The following RALB variants were observed in gnomAD, a reference collection of about 807,000 sequenced individuals.
RALB encodes RAS like proto-oncogene B.
In RALB, 16 loss-of-function variants were observed where a neutral mutation model predicts 21.3. The ratio of observed to expected loss-of-function variants is 0.75; its 90% CI spans 0.51 to 1.14. The LOEUF is 1.14. RALB is among the 50% of genes most tolerant of loss of function. The probability of loss-of-function intolerance (pLI) is 0.00; values close to 1 mark genes in which losing one functional copy is unlikely to be tolerated. For missense variants in RALB, 161 were observed against 256.2 expected (o/e 0.63, Z 2.54); for synonymous variants, 93 against 96.1 (o/e 0.97, Z 0.19).
chr2:120,267,536 G>A (rs951449635), intron 1 of RALB, among the ~76,000 whole-genome samples: 7 of 152,120 alleles, frequency 4.6e-5, no homozygotes, highest in Admixed American at 3.9e-4. Context: ...GTATGAGATC[G>A]GGAGGGCTGG....
At chr2:120,254,551 G>C (rs1186321023) in intron 1 of RALB, among the ~76,000 whole-genome samples, 3 of 152,212 alleles carry the variant, frequency 2.0e-5, no homozygotes, top group African/African-American at 4.8e-5. Context: ...ACAGGATTTA[G>C]AGTCTTCCAC....
intron 1 of RALB, among the ~76,000 whole-genome samples, chr2:120,278,254 C>T (rs555806930): frequency 6.6e-5 from 10 of 152,192 alleles, no homozygotes; most frequent in South Asian, 6.2e-4. Flanking sequence ...CCGCGGCAGC[C>T]GAGAACCGAG....
At chr2:120,268,557 G>A (rs1266410025) in intron 1 of RALB, among the ~76,000 whole-genome samples, 1 of 152,188 alleles carries the variant, frequency 6.6e-6, no homozygotes, top group African/African-American at 2.4e-5. Flanking sequence ...GGGGGCAGAG[G>A]GCCCAGGACG....
chr2:120,291,434 T>TA (rs1165457706), intron 4 of RALB, among the ~76,000 whole-genome samples: 2 of 152,132 alleles, frequency 1.3e-5, no homozygotes, highest in African/African-American at 4.8e-5. Flanking sequence ...TGGCTCATTT[T>TA]AAAAAAATCA....
At chr2:120,246,696 C>T (rs1282166905) in intron 1 of RALB, among the ~76,000 whole-genome samples, 2 of 152,354 alleles carry the variant, frequency 1.3e-5, no homozygotes, top group Non-Finnish European at 2.9e-5. Flanking sequence ...GATAGGTGGG[C>T]TGCAGTGTGG....
At chr2:120,268,570 AGT>A (rs967652944) in intron 1 of RALB, among the ~76,000 whole-genome samples, 1 of 152,076 alleles carries the variant, frequency 6.6e-6, no homozygotes, top group African/African-American at 2.4e-5. Context: ...CCAGGACGGG[AGT>A]GTGTGTGGGG....
intron 1 of RALB, among the ~76,000 whole-genome samples, chr2:120,263,093 G>A (rs1289698429): frequency 6.6e-6 from 1 of 152,226 alleles, no homozygotes; most frequent in African/African-American, 2.4e-5. Flanking sequence ...CTTATGGACT[G>A]GCAGCTTTTC....
intron 1 of RALB, among the ~76,000 whole-genome samples, chr2:120,263,957 C>G (rs1446852980): frequency 6.6e-6 from 1 of 151,850 alleles, no homozygotes; most frequent in African/African-American, 2.4e-5. Flanking sequence ...TAGCGATTCT[C>G]CCTGCCTAAG....
At chr2:120,275,900 A>G (rs554088865) in intron 1 of RALB, among the ~76,000 whole-genome samples, 2 of 152,242 alleles carry the variant, frequency 1.3e-5, no homozygotes, top group East Asian at 3.9e-4. Context: ...GTAGTCCTGG[A>G]AAAAGGGTTG....
upstream of RALB, among the ~76,000 whole-genome samples, chr2:120,252,074 G>C (rs1689067646): frequency 6.6e-6 from 1 of 152,190 alleles, no homozygotes. Context: ...TGTCAGTTGC[G>C]ATGGCTTGTG....
intron 1 of RALB, among the ~76,000 whole-genome samples, chr2:120,269,908 A>G (rs1018647325): frequency 6.6e-6 from 1 of 152,210 alleles, no homozygotes; most frequent in Non-Finnish European, 1.5e-5. Flanking sequence ...AGGCTGTGGC[A>G]GTTAATAATA....
intron 1 of RALB, among the ~76,000 whole-genome samples, chr2:120,246,092 C>A (rs1688966547): frequency 6.6e-6 from 1 of 152,182 alleles, no homozygotes; most frequent in Non-Finnish European, 1.5e-5. Flanking sequence ...TGCTCTCTAG[C>A]AGATGCGGGG....
chr2:120,262,626 C>T (rs1038402280), intron 1 of RALB, among the ~76,000 whole-genome samples: 9 of 152,238 alleles, frequency 5.9e-5, no homozygotes, highest in Middle Eastern at 3.4e-3. Flanking sequence ...AGTTCCCAAA[C>T]GTGGCTGGGG....
intron 1 of RALB, among the ~76,000 whole-genome samples, chr2:120,278,025 G>C (rs1376035854): frequency 1.1e-5 from 1 of 93,144 alleles, no homozygotes; most frequent in Non-Finnish European, 2.3e-5. Context: ...GTGTGAATGT[G>C]AATGTGAGAG....
intron 2 of RALB, among the ~76,000 whole-genome samples, chr2:120,281,141 C>T (rs1483018381): frequency 1.3e-5 from 2 of 152,178 alleles, no homozygotes; most frequent in Non-Finnish European, 2.9e-5. Context: ...GGGCTGTGAC[C>T]TCTTCTGAGG....
chr2:120,265,862 G>A (rs1453132735), intron 1 of RALB, among the ~76,000 whole-genome samples: 1 of 152,216 alleles, frequency 6.6e-6, no homozygotes, highest in African/African-American at 2.4e-5. Context: ...GGACATGTAT[G>A]CTAATTCCAA....
chr2:120,248,692 G>A (rs1400693732), upstream of RALB, among the ~76,000 whole-genome samples: 2 of 152,154 alleles, frequency 1.3e-5, no homozygotes, highest in Non-Finnish European at 2.9e-5. Context: ...TTGCTGTGTC[G>A]TCCAGGCTAG....
chr2:120,272,894 C>G (rs1430469614), intron 1 of RALB, among the ~76,000 whole-genome samples: 1 of 152,188 alleles, frequency 6.6e-6, no homozygotes, highest in Non-Finnish European at 1.5e-5. Context: ...ACTTACTAAT[C>G]TGTCTGAACC....
intron 1 of RALB, among the ~76,000 whole-genome samples, chr2:120,277,140 TAA>T (rs1689816716): frequency 6.6e-6 from 1 of 152,220 alleles, no homozygotes; most frequent in Non-Finnish European, 1.5e-5. Context: ...TTTCTCCTTT[TAA>T]CTCTCATGTC....
Sources: allele counts gnomAD v4.1 joint callset (sites outside exome capture counted in the v4.1 genomes callset), GRCh38; gene constraint gnomAD v4.1.1; transcripts MANE v1.5; gene names NCBI Gene and HGNC (gene_info 2026-07-23, HGNC 2026-07-21).